OR1B1: variants seen among roughly 807,000 people sequenced by gnomAD.
OR1B1 encodes the protein olfactory receptor family 1 subfamily B member 1.
For synonymous variants in OR1B1, 168 were observed against 156.2 expected (o/e 1.08, Z -0.57); for missense variants, 414 against 402.1 (o/e 1.03, Z -0.25).
At chr9:122,654,098 C>T in the OR1B1 span, among the ~76,000 whole-genome samples, 64 of 151,992 alleles carry the variant, frequency 4.2e-4, 1 homozygote, top group Admixed American at 4.2e-3. Context: ...GAAAAGGGCT[C>T]TAATGGGGAT....
chr9:122,631,223 C>G (rs1444751575), upstream of OR1B1, among the ~76,000 whole-genome samples: 3 of 151,942 alleles, frequency 2.0e-5, no homozygotes, highest in East Asian at 1.9e-4. Flanking sequence ...GTCGCCCAGG[C>G]TGGAGTGCAG....
chr9:122,651,533 T>G, the OR1B1 span, among the ~76,000 whole-genome samples: 1 of 152,084 alleles, frequency 6.6e-6, no homozygotes, highest in Non-Finnish European at 1.5e-5. Flanking sequence ...GACATCCACT[T>G]TTTTTTAGGA....
chr9:122,642,599 C>T, the OR1B1 span, among the ~76,000 whole-genome samples: 1 of 152,106 alleles, frequency 6.6e-6, no homozygotes, highest in Non-Finnish European at 1.5e-5. Flanking sequence ...AGGGAAGGTA[C>T]TTTTAAGTAC....
chr9:122,646,244 T>A, the OR1B1 span, among the ~76,000 whole-genome samples: 2 of 148,576 alleles, frequency 1.3e-5, no homozygotes, highest in African/African-American at 2.5e-5. Flanking sequence ...CCGCTGAAAA[T>A]CACATTCACT....
chr9:122,647,163 G>A, the OR1B1 span, among the ~76,000 whole-genome samples: 2 of 152,194 alleles, frequency 1.3e-5, no homozygotes, highest in South Asian at 4.1e-4. Context: ...TCAGCACATG[G>A]ATCATTCTCA....
At chr9:122,645,237 TCAGAGGAGA>T in the OR1B1 span, among the ~76,000 whole-genome samples, 20 of 149,762 alleles carry the variant, frequency 1.3e-4, no homozygotes, top group Middle Eastern at 3.2e-3. Context: ...GAAAATACAG[TCAGAGGAGA>T]CAAAAGAAAA....
Position 122,628,911 on chromosome 9 carries a change from C to A in OR1B1, c.625G>T (p.Gly209Cys). The change falls in exon 1 of 1, where the codon GGT (glycine) becomes TGT (cysteine). Residue 209 changes from glycine (G) to cysteine (C), a missense_variant. Transcript: ENST00000623530. ...CAGGGGCCCAGCATAAGGAAGCCAC[C>A]CTCAAAGAATATGGCCAGCTCATTA... 6.2e-7 allele frequency: 1 copy of A among 1,614,052 alleles called. No homozygotes were observed. The highest frequency in any genetic ancestry group is 8.5e-7 in the Non-Finnish European group (1 of 1,179,998).
rs1160476900 is a variant in OR1B1, at chr9:122,629,267, TGA to T, written c.267_268del (p.His90LeufsTer40). 2 of 1,613,902 alleles carry T rather than the reference TGA, an allele frequency of 1.2e-6. No individual in the cohort carries two copies. Among genetic ancestry groups the T allele is most frequent in the Non-Finnish European group, 1.7e-6 (2 of 1,179,956 alleles). ...GCGGGCAGCAGGAATGGTTGGGTAATGAGAGACCAAATGGGCCAGCAACTGGG... is the reference window on the plus strand; with the variant it reads ...GCGGGCAGCAGGAATGGTTGGGTAATGAGACCAAATGGGCCAGCAACTGGG... On this transcript the variant is annotated frameshift_variant, in exon 1 of 1. Transcript: ENST00000623530. LOFTEE classifies it low-confidence loss of function (END_TRUNC).
chr9:122,641,947 A>C, the OR1B1 span, among the ~76,000 whole-genome samples: 1 of 152,286 alleles, frequency 6.6e-6, no homozygotes, highest in Middle Eastern at 3.4e-3. Flanking sequence ...GGGGATTAGA[A>C]TAAAGAAAAT....
At chr9:122,653,486 A>T in the OR1B1 span, among the ~76,000 whole-genome samples, 1 of 152,214 alleles carries the variant, frequency 6.6e-6, no homozygotes, top group Non-Finnish European at 1.5e-5. Context: ...AATTCTTAGA[A>T]CACAGATTGA....
At chr9:122,629,023 A>G (rs778955866) in exon 1 of OR1B1, 3 of 1,613,960 alleles carry the variant, frequency 1.9e-6, no homozygotes, top group Non-Finnish European at 2.5e-6. Context: ...CAGCATCCCC[A>G]GTCCAGCAAA....
At chr9:122,644,012 A>C in the OR1B1 span, among the ~76,000 whole-genome samples, 1 of 152,146 alleles carries the variant, frequency 6.6e-6, no homozygotes, top group Non-Finnish European at 1.5e-5. Flanking sequence ...GCTTCAGAGG[A>C]GACCCAGCAC....
At chr9:122,646,049 A>G in the OR1B1 span, among the ~76,000 whole-genome samples, 1 of 152,108 alleles carries the variant, frequency 6.6e-6, no homozygotes, top group East Asian at 1.9e-4. Flanking sequence ...GCGAGGGGAA[A>G]AGTTAAAGTG....
At chr9:122,628,969 T>C (rs746815209) in exon 1 of OR1B1, 2 of 1,613,914 alleles carry the variant, frequency 1.2e-6, no homozygotes, top group Admixed American at 3.3e-5. Context: ...CTCGCAGAAG[T>C]GGCCGGTGGT....
the OR1B1 span, among the ~76,000 whole-genome samples, chr9:122,646,192 T>C: frequency 1.3e-5 from 2 of 151,008 alleles, no homozygotes; most frequent in South Asian, 2.1e-4. Context: ...AAACATATAA[T>C]GGATACACAA....
At chr9:122,653,278 T>C in the OR1B1 span, among the ~76,000 whole-genome samples, 1 of 152,226 alleles carries the variant, frequency 6.6e-6, no homozygotes, top group African/African-American at 2.4e-5. Flanking sequence ...AGTGCATCTT[T>C]GAGTTAGTAC....
the OR1B1 span, chr9:122,637,297 C>A: frequency 4.6e-5 from 7 of 152,170 alleles, no homozygotes; most frequent in African/African-American, 1.7e-4. Context: ...TCTTCTCTTG[C>A]GGAACATCAT....
the OR1B1 span, among the ~76,000 whole-genome samples, chr9:122,643,866 G>A: frequency 6.6e-6 from 1 of 152,156 alleles, no homozygotes; most frequent in Non-Finnish European, 1.5e-5. Context: ...GGCCAAAAGG[G>A]AACCCACTGT....
At chr9:122,628,524 T>C, downstream of OR1B1, 1 of 1,216,978 alleles carries the variant, frequency 8.2e-7, no homozygotes. Context: ...CCAACTCTGC[T>C]CAGAATATGC....
Sources: gnomAD v4.1 joint callset for allele counts (sites outside exome capture counted in the v4.1 genomes callset) on GRCh38, gnomAD v4.1.1 for gene constraint, MANE v1.5 for transcripts, NCBI Gene and HGNC (gene_info 2026-07-23, HGNC 2026-07-21) for gene names.